Variants in ASIC2 observed in about 807,000 individuals in gnomAD.
ASIC2 encodes acid-sensing ion channel 2.
A neutral mutation model predicts 57.3 loss-of-function variants in ASIC2; 25 were observed. That is an observed-to-expected ratio of 0.44 (90% confidence interval 0.32 to 0.61). The LOEUF (loss-of-function observed/expected upper bound fraction) is 0.61. Ranked by LOEUF, ASIC2 falls within the 20% of genes least tolerant of loss-of-function variation. The pLI, the probability that ASIC2 is intolerant of heterozygous loss-of-function variation, is 0.06. For synonymous variants in ASIC2, 319 were observed against 307.5 expected, an observed-to-expected ratio of 1.04 and a Z score of -0.39; for missense variants, 641 against 738.1, an observed-to-expected ratio of 0.87 and a Z score of 1.52.
At chr17:33,886,146 T>C (rs1162273842) in intron 1 of ASIC2, among the ~76,000 whole-genome samples, 1 of 152,232 alleles carries the variant, frequency 6.6e-6, no homozygotes, top group African/African-American at 2.4e-5. Flanking sequence ...ATTCTATCTT[T>C]ACCTTGCAAG....
intron 1 of ASIC2, among the ~76,000 whole-genome samples, chr17:33,676,696 A>G (rs946759308): frequency 1.3e-5 from 2 of 152,234 alleles, no homozygotes; most frequent in African/African-American, 4.8e-5. Context: ...TCCACAACAT[A>G]AAAGTGCAAG....
chr17:33,049,666 G>C (rs2091967855), intron 3 of ASIC2, among the ~76,000 whole-genome samples: 2 of 152,158 alleles, frequency 1.3e-5, no homozygotes, highest in Admixed American at 6.5e-5. Context: ...TAGACCATGG[G>C]TAAGTTTTAC....
intron 1 of ASIC2, among the ~76,000 whole-genome samples, chr17:33,563,147 C>G (rs1258350166): frequency 6.6e-6 from 1 of 152,166 alleles, no homozygotes; most frequent in Non-Finnish European, 1.5e-5. Flanking sequence ...CAGAGTTTTG[C>G]TACTTAAAAT....
At position 33,817,659 on chromosome 17, in the gene ASIC2, C is replaced by T. The variant is rs190506600; in HGVS notation, c.555+338319G>A. Reference sequence around the variant, plus strand: ...AAATGGTTGCTACGGCTGTTTATTACTGTACAATAAACCCACCCAAAACTT... The same window carrying T: ...AAATGGTTGCTACGGCTGTTTATTATTGTACAATAAACCCACCCAAAACTT... On this transcript the variant is annotated intron_variant, in intron 1 of 9. Transcript: ENST00000359872. 1.1e-4 allele frequency among the ~76,000 whole-genome samples: 16 copies of T among 152,272 alleles called. No homozygotes were observed. The East Asian group carries it at 3.1e-3, about 29-fold the overall frequency.
chr17:33,915,885 G>T (rs77840818), intron 1 of ASIC2, among the ~76,000 whole-genome samples: 6,362 of 152,256 alleles, frequency 0.042, 435 homozygotes, highest in African/African-American at 0.14. Context: ...AGGTGAGATT[G>T]AAGGCACACC....
At position 33,397,407 on chromosome 17, in the gene ASIC2, T is replaced by C. The variant is rs541675985; in HGVS notation, c.556-285340A>G. On this transcript the variant is annotated intron_variant, in intron 1 of 9. Transcript: ENST00000359872. ...TGAGCTCCTTTGGTAGAAGTCACTC[T>C]GCTCTGTAGTCCCTGTAACTAGCAG... Among the ~76,000 whole-genome samples the C allele has an allele frequency of 5.3e-5, 8 of 152,354 alleles. No individual in the cohort carries two copies. The South Asian group carries it at 1.4e-3, about 28-fold the overall frequency.
At chr17:34,103,001 T>A (rs1048485833) in intron 1 of ASIC2, among the ~76,000 whole-genome samples, 2 of 152,252 alleles carry the variant, frequency 1.3e-5, no homozygotes, top group African/African-American at 4.8e-5. Context: ...AATTGTCATT[T>A]TATTGTTGAG....
At chr17:33,170,836 G>C (rs1385236574) in intron 1 of ASIC2, among the ~76,000 whole-genome samples, 1 of 152,118 alleles carries the variant, frequency 6.6e-6, no homozygotes, top group Non-Finnish European at 1.5e-5. Context: ...ACTTTTGCTG[G>C]AGATCAGGAG....
chr17:33,372,489 A>G (rs1181414902), intron 1 of ASIC2, among the ~76,000 whole-genome samples: 1 of 152,100 alleles, frequency 6.6e-6, no homozygotes, highest in African/African-American at 2.4e-5. Flanking sequence ...TGAATGGGTG[A>G]GGGGCTGGTG....
chr17:33,034,847 T>C (rs917852008), intron 3 of ASIC2, among the ~76,000 whole-genome samples: 1 of 152,224 alleles, frequency 6.6e-6, no homozygotes, highest in Admixed American at 6.5e-5. Context: ...TTGAGAATCC[T>C]GGATCTATGA....
intron 1 of ASIC2, among the ~76,000 whole-genome samples, chr17:33,486,626 A>T (rs1913584021): frequency 6.6e-6 from 1 of 152,302 alleles, no homozygotes; most frequent in Admixed American, 6.5e-5. Context: ...GACAACTTAC[A>T]CCTCATTAAA....
chr17:34,009,295 C>A (rs1906634241), intron 1 of ASIC2, among the ~76,000 whole-genome samples: 1 of 152,146 alleles, frequency 6.6e-6, no homozygotes, highest in Non-Finnish European at 1.5e-5. Context: ...TGTCTAGCAG[C>A]AGCCTAGAGA....
rs117629377 is a variant in ASIC2 at position 33,178,680 on chromosome 17, C to T, written c.709-66613G>A. Among the ~76,000 whole-genome samples the T allele has an allele frequency of 3.8e-3, 586 of 152,250 alleles. 3 individuals carry two copies. Among genetic ancestry groups the T allele is most frequent in the Non-Finnish European group, 6.0e-3 (409 of 68,018 alleles). ...AGTTCTAGGTGCATGAGCTGATAGG[C>T]GTCATCTCTACACTGCGTCCCTCCA... On this transcript the variant is annotated intron_variant, in intron 1 of 9. Coordinates refer to ENST00000225823, the MANE Select transcript of ASIC2 (RefSeq NM_183377.2).
At chr17:34,034,764 T>A (rs548513320) in intron 1 of ASIC2, among the ~76,000 whole-genome samples, 12 of 152,290 alleles carry the variant, frequency 7.9e-5, no homozygotes, top group African/African-American at 2.2e-4. Flanking sequence ...CATTCACAAT[T>A]GCTTCAAAGA....
intron 3 of ASIC2, among the ~76,000 whole-genome samples, chr17:33,074,983 GA>G (rs1254885815): frequency 6.6e-6 from 1 of 152,146 alleles, no homozygotes; most frequent in Non-Finnish European, 1.5e-5. Context: ...ATGATTCCTT[GA>G]AAGTCTTCCG....
chr17:33,892,158 A>C (rs1005924675), intron 1 of ASIC2, among the ~76,000 whole-genome samples: 13 of 152,226 alleles, frequency 8.5e-5, no homozygotes, highest in Non-Finnish European at 2.9e-5. Flanking sequence ...GTTTGTACTC[A>C]TTTGAGAAAT....
chr17:33,494,420 G>T (rs780945744), intron 1 of ASIC2, among the ~76,000 whole-genome samples: 2 of 152,194 alleles, frequency 1.3e-5, no homozygotes, highest in Non-Finnish European at 2.9e-5. Flanking sequence ...GTGGCCTTGG[G>T]TGAGTCACTT....
intron 1 of ASIC2, among the ~76,000 whole-genome samples, chr17:33,367,381 G>A (rs1397547379): frequency 6.6e-6 from 1 of 152,122 alleles, no homozygotes; most frequent in Non-Finnish European, 1.5e-5. Context: ...ACCCTCTGGC[G>A]TTTCACCTCT....
At chr17:33,836,067 T>C (rs112444213) in intron 1 of ASIC2, among the ~76,000 whole-genome samples, 1 of 139,884 alleles carries the variant, frequency 7.1e-6, no homozygotes, top group Non-Finnish European at 1.6e-5. Context: ...ATATTATATA[T>C]ATACACACAC....
Sources: allele counts gnomAD v4.1 joint callset (sites outside exome capture counted in the v4.1 genomes callset), GRCh38; gene constraint gnomAD v4.1.1; transcripts MANE v1.5; gene names NCBI Gene and HGNC (gene_info 2026-07-23, HGNC 2026-07-21).